The following EPHA6 variants were observed in gnomAD, a reference collection of about 807,000 sequenced individuals.
EPHA6 encodes EPH receptor A6.
Under a neutral mutation model 112.0 loss-of-function variants are expected in EPHA6, and 50 were observed. The ratio of observed to expected loss-of-function variants is 0.45; its 90% CI spans 0.36 to 0.56. EPHA6 has a LOEUF of 0.56. Among genes scored for constraint, EPHA6 ranks in the 20% least tolerant of loss-of-function variants. The pLI, the probability that EPHA6 is intolerant of heterozygous loss-of-function variation, is 0.00. For synonymous variants in EPHA6, 529 were observed against 490.7 expected, an observed-to-expected ratio of 1.08 and a Z score of -1.03; for missense variants, 1,280 against 1,417.4, an observed-to-expected ratio of 0.90 and a Z score of 1.56.
At chr3:97,561,441 A>T (rs1335067058) in intron 11 of EPHA6, among the ~76,000 whole-genome samples, 1 of 152,076 alleles carries the variant, frequency 6.6e-6, no homozygotes, top group East Asian at 1.9e-4. Context: ...AGTGGTCTGG[A>T]TAGATCAAAC....
rs560186487 is a variant in EPHA6 at position 97,637,028 on chromosome 3, T to C, written c.2575-845T>C. 3.9e-5 allele frequency among the ~76,000 whole-genome samples: 6 copies of C among 152,294 alleles called. No individual in the cohort carries two copies. The East Asian group carries it at 7.7e-4, about 20-fold the overall frequency. On this transcript the variant is annotated intron_variant, in intron 13 of 17. Transcript: ENST00000389672. The stretch of plus-strand genomic sequence containing the variant: ...TCTAATTTCAAGGGTACTATTTGTT[T>C]ACTATTTGTATCTGGTCTTGTTGGT...
chr3:97,085,928 C>CATATATATAT (rs67777487), intron 3 of EPHA6, among the ~76,000 whole-genome samples: 7,570 of 119,326 alleles, frequency 0.063, 625 homozygotes, highest in Admixed American at 0.19. Context: ...TATATGATGT[C>CATATATATAT]ATATATATAT....
chr3:97,668,471 A>G (rs999184549), intron 14 of EPHA6, among the ~76,000 whole-genome samples: 1 of 152,114 alleles, frequency 6.6e-6, no homozygotes, highest in African/African-American at 2.4e-5. Context: ...CCTCCTTCAG[A>G]TGACCAGCTA....
At chr3:97,111,193 C>T (rs1177217480) in intron 3 of EPHA6, among the ~76,000 whole-genome samples, 4 of 152,042 alleles carry the variant, frequency 2.6e-5, no homozygotes, top group Non-Finnish European at 5.9e-5. Context: ...TTTTCAACAA[C>T]AACAGTAATT....
At chr3:97,233,178 T>A (rs2078580690) in intron 4 of EPHA6, among the ~76,000 whole-genome samples, 1 of 152,052 alleles carries the variant, frequency 6.6e-6, no homozygotes, top group Non-Finnish European at 1.5e-5. Context: ...TTGCCTGACA[T>A]TCTTGGGGTG....
chr3:96,888,281 A>G (rs1309936981), intron 2 of EPHA6, among the ~76,000 whole-genome samples: 49 of 152,046 alleles, frequency 3.2e-4, no homozygotes, highest in Non-Finnish European at 4.4e-5. Context: ...CTACCACTGT[A>G]TTTCGCTCGG....
chr3:97,527,342 T>G (rs2092635501), intron 10 of EPHA6, among the ~76,000 whole-genome samples: 1 of 152,184 alleles, frequency 6.6e-6, no homozygotes, highest in Admixed American at 6.6e-5. Context: ...TGGGCTCCAC[T>G]CTGGTTTCAC....
At chr3:97,691,643 T>G (rs1439480409) in intron 14 of EPHA6, among the ~76,000 whole-genome samples, 1 of 152,218 alleles carries the variant, frequency 6.6e-6, no homozygotes, top group Non-Finnish European at 1.5e-5. Flanking sequence ...TATCATAAAA[T>G]TCTTGCTTAA....
In EPHA6 at chr3:96,821,013, G is replaced by C. The variant is rs148626205; in HGVS notation, c.385+6005G>C. 6.5e-4 allele frequency among the ~76,000 whole-genome samples: 98 copies of C among 151,864 alleles called. No homozygotes were observed. In the East Asian group the frequency reaches 0.015, roughly 24 times the overall value. On this transcript the variant is annotated intron_variant, in intron 1 of 17. Coordinates refer to ENST00000389672, the MANE Select transcript of EPHA6 (RefSeq NM_001080448.3). ...CTAGATATAAAATAATGTGTTTTCA[G>C]ATACTTTCAATTATACTTATCTGTT...
intron 3 of EPHA6, among the ~76,000 whole-genome samples, chr3:97,109,991 A>C (rs1037143307): frequency 1.9e-4 from 29 of 152,178 alleles, no homozygotes; most frequent in African/African-American, 7.0e-4. Flanking sequence ...TAATGAAATC[A>C]ATAGAAATGA....
At chr3:97,690,309 T>C (rs909749419) in intron 14 of EPHA6, among the ~76,000 whole-genome samples, 3 of 152,340 alleles carry the variant, frequency 2.0e-5, no homozygotes, top group Admixed American at 1.3e-4. Flanking sequence ...CTAACACCTG[T>C]TGTTGTCTAT....
intron 5 of EPHA6, among the ~76,000 whole-genome samples, chr3:97,326,592 A>C (rs2082434595): frequency 6.6e-6 from 1 of 152,074 alleles, no homozygotes; most frequent in Admixed American, 6.6e-5. Flanking sequence ...TTTGGAACTT[A>C]AGGAGCTTAA....
chr3:96,921,790 A>T (rs1016202572), intron 2 of EPHA6, among the ~76,000 whole-genome samples: 1 of 151,494 alleles, frequency 6.6e-6, no homozygotes, highest in Non-Finnish European at 1.5e-5. Context: ...CTGGTCTTGA[A>T]CTCTTAACCT....
chr3:97,612,521 G>T, intron 13 of EPHA6: 1 of 255,402 alleles, frequency 3.9e-6, no homozygotes, highest in Non-Finnish European at 8.2e-6. Flanking sequence ...TTTATTCTGT[G>T]GAATAATGAA....
intron 3 of EPHA6, among the ~76,000 whole-genome samples, chr3:97,039,615 T>C (rs535919866): frequency 6.6e-6 from 1 of 152,168 alleles, no homozygotes; most frequent in African/African-American, 2.4e-5. Context: ...TTTTAAAATA[T>C]CTTAATTTGG....
intron 2 of EPHA6, among the ~76,000 whole-genome samples, chr3:96,981,926 C>G (rs1229202385): frequency 1.3e-5 from 2 of 152,028 alleles, no homozygotes; most frequent in African/African-American, 4.8e-5. Context: ...TTTATTACAT[C>G]TATTTGATTC....
intron 5 of EPHA6, among the ~76,000 whole-genome samples, chr3:97,372,242 C>G (rs1337726494): frequency 6.6e-6 from 1 of 152,106 alleles, no homozygotes; most frequent in Non-Finnish European, 1.5e-5. Context: ...AAATTTTTCT[C>G]TTTTGTACCT....
intron 3 of EPHA6, among the ~76,000 whole-genome samples, chr3:97,038,325 T>G (rs916242268): frequency 1.3e-5 from 2 of 152,028 alleles, no homozygotes; most frequent in Non-Finnish European, 2.9e-5. Context: ...CCATGCTTCC[T>G]GGACTGTGGT....
At chr3:97,116,499 C>T (rs377598605) in intron 3 of EPHA6, among the ~76,000 whole-genome samples, 1 of 151,638 alleles carries the variant, frequency 6.6e-6, no homozygotes, top group African/African-American at 2.4e-5. Context: ...TCTACATCTC[C>T]CTTTCTTCCA....
Sources: gnomAD v4.1 joint callset for allele counts (sites outside exome capture counted in the v4.1 genomes callset) on GRCh38, gnomAD v4.1.1 for gene constraint, MANE v1.5 for transcripts, NCBI Gene and HGNC (gene_info 2026-07-23, HGNC 2026-07-21) for gene names.